The following ARHGAP23 variants were observed in gnomAD, a reference collection of about 807,000 sequenced individuals.
ARHGAP23 encodes the protein Rho GTPase activating protein 23, also known as rho GTPase-activating protein 23.
Under a neutral mutation model 136.3 loss-of-function variants are expected in ARHGAP23, and 34 were observed. The ratio of observed to expected loss-of-function variants is 0.25; its 90% CI spans 0.19 to 0.33. The LOEUF (loss-of-function observed/expected upper bound fraction) is 0.33, where lower values mean the gene tolerates loss of function less well. Ranked by LOEUF, ARHGAP23 falls within the 10% of genes least tolerant of loss-of-function variation. ARHGAP23 has a pLI of 1.00. For synonymous variants in ARHGAP23, 832 were observed against 920.5 expected (o/e 0.90, Z 1.74); for missense variants, 1,808 against 2,139.0 (o/e 0.85, Z 3.05).
chr17:38,441,498 G>A (rs1183698832), intron 1 of ARHGAP23, among the ~76,000 whole-genome samples: 1 of 151,686 alleles, frequency 6.6e-6, no homozygotes, highest in East Asian at 1.9e-4. Flanking sequence ...AGATGTCCAA[G>A]TCCCTCATCA....
intron 1 of ARHGAP23, among the ~76,000 whole-genome samples, chr17:38,439,126 G>A (rs1046955004): frequency 1.5e-4 from 23 of 151,020 alleles, no homozygotes; most frequent in African/African-American, 5.1e-4. Flanking sequence ...GCAGTGAGCC[G>A]AGATCGCACC....
At chr17:38,461,241 G>A (rs1200738124) in intron 3 of ARHGAP23, among the ~76,000 whole-genome samples, 1 of 152,232 alleles carries the variant, frequency 6.6e-6, no homozygotes, top group East Asian at 1.9e-4. Context: ...CCTGGCCCCT[G>A]CCCTCAAGCT....
chr17:38,478,169 G>A (rs1046160351), intron 12 of ARHGAP23, among the ~76,000 whole-genome samples: 11 of 152,300 alleles, frequency 7.2e-5, no homozygotes, highest in African/African-American at 2.4e-4. Context: ...TGTTAGGATC[G>A]CCTTGAGCAG....
intron 1 of ARHGAP23, among the ~76,000 whole-genome samples, chr17:38,436,567 C>T (rs917547382): frequency 6.6e-6 from 1 of 152,228 alleles, no homozygotes; most frequent in Non-Finnish European, 1.5e-5. Context: ...TCGTGCTCTG[C>T]GTTCCAGGCT....
chr17:38,470,236 T>C (rs1488961717), intron 10 of ARHGAP23, among the ~76,000 whole-genome samples: 1 of 152,160 alleles, frequency 6.6e-6, no homozygotes, highest in Admixed American at 6.5e-5. Flanking sequence ...GCTCCTGACA[T>C]TTCACGCCTC....
intron 1 of ARHGAP23, among the ~76,000 whole-genome samples, chr17:38,420,839 C>T (rs1455187353): frequency 1.5e-5 from 2 of 132,524 alleles, no homozygotes; most frequent in Non-Finnish European, 1.6e-5. Context: ...AGTGGTAGGG[C>T]GGGGAGGGAG....
chr17:38,437,879 T>C (rs1322948445), intron 1 of ARHGAP23, among the ~76,000 whole-genome samples: 1 of 152,026 alleles, frequency 6.6e-6, no homozygotes, highest in Non-Finnish European at 1.5e-5. Context: ...TGTGATTCAG[T>C]GTGGAGTCTG....
At chr17:38,463,279 C>T in intron 5 of ARHGAP23, 49 bp from the exon 6 acceptor site, 2 of 1,551,514 alleles carry the variant, frequency 1.3e-6, no homozygotes, top group Non-Finnish European at 1.7e-6. Context: ...ATCCCTTCCT[C>T]CTGGACCCTG....
chr17:38,442,109 C>T (rs763263238), intron 1 of ARHGAP23, among the ~76,000 whole-genome samples: 38 of 152,322 alleles, frequency 2.5e-4, no homozygotes, highest in Non-Finnish European at 4.7e-4. Context: ...GCGTGCCCCA[C>T]GGCACCTGGC....
upstream of ARHGAP23, among the ~76,000 whole-genome samples, chr17:38,427,606 C>A (rs1250769227): frequency 6.6e-6 from 1 of 152,208 alleles, no homozygotes; most frequent in Non-Finnish European, 1.5e-5. Context: ...CAGAGTGAAG[C>A]CAGGAAGGGT....
At chr17:38,497,058 T>C (rs896093668) in intron 20 of ARHGAP23, among the ~76,000 whole-genome samples, 1 of 152,192 alleles carries the variant, frequency 6.6e-6, no homozygotes, top group Non-Finnish European at 1.5e-5. Context: ...TACTTTCTTG[T>C]CTTCTTGTGT....
At chr17:38,432,098 C>T (rs756554039) in intron 1 of ARHGAP23, among the ~76,000 whole-genome samples, 28 of 152,228 alleles carry the variant, frequency 1.8e-4, no homozygotes, top group Non-Finnish European at 4.0e-4. Context: ...CCAGCTCTAC[C>T]CCTGACACTG....
At position 38,510,115 on chromosome 17, in the gene ARHGAP23, CCG is replaced by C; in HGVS notation, c.3620_3621del (p.Pro1207ArgfsTer58). ...AHKPGAGATA[P>X]GTQERPQGPL... The stretch of plus-strand genomic sequence containing the variant: ...CAAGCCTGGGGCGGGGGCCACAGCG[CCG>C]GGGACTCAGGAGCGGCCGCAGGGGC... On this transcript the variant is annotated frameshift_variant, in exon 24 of 24. Transcript: ENST00000622683. LOFTEE classifies it high-confidence loss of function. This position sits in a 1 kb window ranked among gnomAD's most constrained non-coding sequence, Gnocchi z 4.6. 7.2e-6 allele frequency: 9 copies of C among 1,258,528 alleles called. No homozygotes were observed. Among genetic ancestry groups the C allele is most frequent in the Non-Finnish European group, 8.9e-6 (9 of 1,007,048 alleles). The allele number at this position is 1,258,528 out of a possible 1,614,324, so 78.0% of individuals were successfully genotyped here. A position where few individuals can be genotyped will look rare whatever the true frequency, so the allele number is the denominator to read the frequency against.
intron 7 of ARHGAP23, 102 bp downstream of exon 7, chr17:38,467,433 G>A: frequency 9.2e-7 from 1 of 1,091,688 alleles, no homozygotes; most frequent in South Asian, 1.9e-5. Context: ...AATTCGGCTG[G>A]GTGCTGGTGG....
At chr17:38,426,550 C>CAAAACA (rs1555574407), upstream of ARHGAP23, among the ~76,000 whole-genome samples, 2 of 51,224 alleles carry the variant, frequency 3.9e-5, no homozygotes, top group African/African-American at 1.5e-4. Flanking sequence ...AACTCCATCT[C>CAAAACA]AAAAAAAAAA....
At chr17:38,461,056 C>A in intron 3 of ARHGAP23, 124 bp downstream of exon 3, 3 of 1,465,132 alleles carry the variant, frequency 2.0e-6, no homozygotes, top group African/African-American at 1.4e-5. Flanking sequence ...CCTGTTCCTG[C>A]CTTTGCTCCT....
chr17:38,502,722 A>G (rs867658560), intron 23 of ARHGAP23, among the ~76,000 whole-genome samples: 2 of 152,212 alleles, frequency 1.3e-5, no homozygotes, highest in African/African-American at 4.8e-5. Context: ...AAAATGGAAA[A>G]ATATGTGGCT....
At position 38,471,781 on chromosome 17, in the gene ARHGAP23, C is replaced by G. The variant is rs559028525; in HGVS notation, c.1975-82C>G. ...AGCACAGACATATATCAGGCCTGTG[C>G]GGCCACAAGTGGTCCATGGGGTTCC... On this transcript the variant is annotated intron_variant, in intron 10 of 23. Transcript: ENST00000622683. 9.1e-6 allele frequency: 13 copies of G among 1,435,102 alleles called. No homozygotes were observed. The South Asian group carries it at 1.7e-4, about 19-fold the overall frequency. 88.9% of individuals were successfully genotyped at this position (1,435,102 alleles called of 1,614,324 possible).
chr17:38,462,706 C>A (rs1269347148), intron 3 of ARHGAP23, 140 bp from the exon 4 acceptor site: 2 of 631,884 alleles, frequency 3.2e-6, no homozygotes, highest in Non-Finnish European at 5.2e-6. Flanking sequence ...GTCCAGTGTC[C>A]TCGTGGATGT....
Sources: allele counts gnomAD v4.1 joint callset (sites outside exome capture counted in the v4.1 genomes callset), GRCh38; gene constraint gnomAD v4.1.1; non-coding constraint Gnocchi (gnomAD v3.1); transcripts MANE v1.5; gene names NCBI Gene and HGNC (gene_info 2026-07-23, HGNC 2026-07-21).